HDAC9: variants seen among roughly 807,000 people sequenced by gnomAD.
HDAC9 encodes histone deacetylase 9.
Under a neutral mutation model 139.4 loss-of-function variants are expected in HDAC9, and 41 were observed. That is an observed-to-expected ratio of 0.29 (90% CI 0.23 to 0.38). The LOEUF is 0.38. HDAC9 is among the 10% of genes least tolerant of loss of function. The probability of loss-of-function intolerance (pLI) is 1.00; values close to 1 mark genes in which losing one functional copy is unlikely to be tolerated. For synonymous variants in HDAC9, 517 were observed against 476.2 expected (o/e 1.09, Z -1.12); for missense variants, 1,147 against 1,297.0 (o/e 0.88, Z 1.78).
intron 2 of HDAC9, among the ~76,000 whole-genome samples, chr7:18,546,162 G>A (rs1017050946): frequency 6.6e-6 from 1 of 152,132 alleles, no homozygotes; most frequent in African/African-American, 2.4e-5. Flanking sequence ...TGATTGCATA[G>A]ATGTTGGAAA....
intron 16 of HDAC9, among the ~76,000 whole-genome samples, chr7:18,776,472 G>A (rs944026501): frequency 6.6e-6 from 1 of 152,066 alleles, no homozygotes; most frequent in African/African-American, 2.4e-5. Context: ...AATGCCTATT[G>A]TATGCCTGGA....
intron 1 of HDAC9, among the ~76,000 whole-genome samples, chr7:18,394,038 C>T (rs1786794062): frequency 6.6e-6 from 1 of 152,076 alleles, no homozygotes; most frequent in Non-Finnish European, 1.5e-5. Flanking sequence ...TCCATAAAGC[C>T]AAATTTAGGA....
chr7:18,773,735 G>A (rs1378267665), intron 16 of HDAC9, among the ~76,000 whole-genome samples: 1 of 140,878 alleles, frequency 7.1e-6, no homozygotes, highest in Non-Finnish European at 1.5e-5. Flanking sequence ...AATAATTCTT[G>A]TAGCAGCCTG....
At chr7:18,923,304 C>G (rs993239578) in intron 22 of HDAC9, among the ~76,000 whole-genome samples, 1 of 152,068 alleles carries the variant, frequency 6.6e-6, no homozygotes, top group Non-Finnish European at 1.5e-5. Flanking sequence ...AGCTGCGTAT[C>G]CCTAGTGTAT....
chr7:18,977,919 GACACACACACACACAC>G (rs147049392), intron 25 of HDAC9, among the ~76,000 whole-genome samples: 37 of 141,036 alleles, frequency 2.6e-4, no homozygotes, highest in African/African-American at 8.4e-4. Flanking sequence ...CAGACAGACA[GACACACACACACACAC>G]ACACACACAC....
intron 22 of HDAC9, among the ~76,000 whole-genome samples, chr7:18,934,532 GTCTA>G (rs1563068578): frequency 6.6e-6 from 1 of 152,266 alleles, no homozygotes; most frequent in African/African-American, 2.4e-5. Context: ...ATGGGGAAAA[GTCTA>G]TCTGTGTAAA....
intron 2 of HDAC9, among the ~76,000 whole-genome samples, chr7:18,257,422 CACACACACACACACAA>C (rs1423052891): frequency 4.0e-5 from 6 of 150,908 alleles, no homozygotes; most frequent in Admixed American, 6.6e-5. Context: ...CACACACACA[CACACACACACACACAA>C]AAAGAAAAAA....
At chr7:18,458,745 G>T in intron 1 of HDAC9, 1 of 754,356 alleles carries the variant, frequency 1.3e-6, no homozygotes, top group Non-Finnish European at 2.3e-6. Flanking sequence ...ACTCAGAGTA[G>T]TAACAAAGAG....
chr7:18,451,557 A>G (rs1210578075), intron 1 of HDAC9, among the ~76,000 whole-genome samples: 1 of 151,910 alleles, frequency 6.6e-6, no homozygotes, highest in Non-Finnish European at 1.5e-5. Context: ...ATTATACAGT[A>G]CAGATCTGAC....
intron 22 of HDAC9, among the ~76,000 whole-genome samples, chr7:18,917,848 C>T (rs1415309224): frequency 6.6e-6 from 1 of 151,972 alleles, no homozygotes; most frequent in Non-Finnish European, 1.5e-5. Context: ...TTATCTAATA[C>T]ATGCAATGGA....
Position 18,319,446 on chromosome 7 carries a change from A to T in HDAC9, c.-42+28931A>T, listed in dbSNP as rs1037964206. Among the ~76,000 whole-genome samples the T allele has an allele frequency of 2.0e-4, 31 of 152,218 alleles. 1 individual carries two copies. Among genetic ancestry groups the T allele is most frequent in the Non-Finnish European group, 1.5e-5 (1 of 68,032 alleles). The stretch of plus-strand genomic sequence containing the variant: ...TTCCCAGCCAGATTTTAAAAATCAG[A>T]TCAAATATTTGGAAACTATGTTATT... On this transcript the variant is annotated intron_variant, in intron 1 of 3. Transcript: ENST00000413509.
At chr7:18,903,081 A>G (rs1801881126) in intron 22 of HDAC9, among the ~76,000 whole-genome samples, 1 of 152,230 alleles carries the variant, frequency 6.6e-6, no homozygotes, top group South Asian at 2.1e-4. Flanking sequence ...ATTTGAAAAC[A>G]ATTTTACATG....
chr7:18,720,595 A>G (rs749938666), intron 12 of HDAC9, among the ~76,000 whole-genome samples: 1 of 151,608 alleles, frequency 6.6e-6, no homozygotes, highest in Non-Finnish European at 1.5e-5. Flanking sequence ...TGAATATATG[A>G]CCTGAAAGTA....
At chr7:18,315,736 A>G (rs1328679195) in intron 1 of HDAC9, among the ~76,000 whole-genome samples, 1 of 152,156 alleles carries the variant, frequency 6.6e-6, no homozygotes, top group Non-Finnish European at 1.5e-5. Flanking sequence ...AGAGATGCAT[A>G]TTTATGGAAG....
At chr7:18,714,668 A>G (rs1400437849) in intron 12 of HDAC9, among the ~76,000 whole-genome samples, 1 of 152,036 alleles carries the variant, frequency 6.6e-6, no homozygotes, top group East Asian at 1.9e-4. Flanking sequence ...CTCATTCTTC[A>G]TCTCTTGGCT....
chr7:18,411,990 T>A (rs1304832242), intron 1 of HDAC9, among the ~76,000 whole-genome samples: 1 of 151,898 alleles, frequency 6.6e-6, no homozygotes, highest in Non-Finnish European at 1.5e-5. Flanking sequence ...TATGCCCAGC[T>A]AATGTTTGTA....
intron 1 of HDAC9, among the ~76,000 whole-genome samples, chr7:18,134,258 T>C (rs558795240): frequency 6.6e-6 from 1 of 152,286 alleles, no homozygotes; most frequent in South Asian, 2.1e-4. Flanking sequence ...GCCAAGTATA[T>C]ACCTGCTTTA....
At chr7:18,482,379 C>A (rs1795623777) in intron 1 of HDAC9, among the ~76,000 whole-genome samples, 1 of 6,298 alleles carries the variant, frequency 1.6e-4, no homozygotes, top group African/African-American at 8.5e-4. Flanking sequence ...CCTGGACTCA[C>A]CAAAAAAAAA....
intron 23 of HDAC9, among the ~76,000 whole-genome samples, chr7:18,937,949 T>C (rs555739517): frequency 2.3e-4 from 35 of 152,346 alleles, no homozygotes; most frequent in East Asian, 1.7e-3. Flanking sequence ...CTATGATCTC[T>C]TTCTTTAAGA....
Sources: gnomAD v4.1 joint callset for allele counts (sites outside exome capture counted in the v4.1 genomes callset) on GRCh38, gnomAD v4.1.1 for gene constraint, MANE v1.5 for transcripts, NCBI Gene and HGNC (gene_info 2026-07-23, HGNC 2026-07-21) for gene names.